The following OPCML variants were observed in gnomAD, a reference collection of about 807,000 sequenced individuals.
OPCML encodes the protein opioid binding protein/cell adhesion molecule like.
In OPCML, 13 loss-of-function variants were observed where a neutral mutation model predicts 37.8. That is an observed-to-expected ratio of 0.34 (90% CI 0.22 to 0.55). OPCML has a LOEUF of 0.55. Among genes scored for constraint, OPCML ranks in the 20% least tolerant of loss-of-function variants. The pLI, the probability that OPCML is intolerant of heterozygous loss-of-function variation, is 0.91. For missense variants in OPCML, 341 were observed against 435.6 expected (o/e 0.78, Z 1.93); for synonymous variants, 176 against 168.8 (o/e 1.04, Z -0.33).
intron 4 of OPCML, among the ~76,000 whole-genome samples, chr11:132,440,407 A>G (rs946358344): frequency 6.6e-5 from 10 of 152,044 alleles, no homozygotes; most frequent in African/African-American, 2.4e-4. Flanking sequence ...CGTTTCTGAC[A>G]CATGCCCAGG....
At chr11:133,143,203 G>A (rs886867742) in intron 1 of OPCML, among the ~76,000 whole-genome samples, 6 of 152,154 alleles carry the variant, frequency 3.9e-5, no homozygotes, top group Non-Finnish European at 7.4e-5. Flanking sequence ...AGCCTACAGC[G>A]ACTGAAGAGA....
chr11:133,282,561 G>A (rs1461204776), intron 1 of OPCML, among the ~76,000 whole-genome samples: 1 of 152,228 alleles, frequency 6.6e-6, no homozygotes, highest in Admixed American at 6.5e-5. Context: ...GCAGTGCAGA[G>A]GGAGGGGAAA....
At chr11:132,504,540 C>T (rs1445559254) in intron 4 of OPCML, among the ~76,000 whole-genome samples, 1 of 151,334 alleles carries the variant, frequency 6.6e-6, no homozygotes, top group African/African-American at 2.5e-5. Flanking sequence ...TGAATGTTGA[C>T]CCAGGCTGGA....
At chr11:133,120,075 AC>A (rs1308614208) in intron 1 of OPCML, among the ~76,000 whole-genome samples, 1 of 152,174 alleles carries the variant, frequency 6.6e-6, no homozygotes, top group East Asian at 1.9e-4. Flanking sequence ...GTCCTGCTTC[AC>A]CACTACCCAT....
At chr11:132,667,461 G>A (rs1942272505) in intron 2 of OPCML, among the ~76,000 whole-genome samples, 1 of 152,158 alleles carries the variant, frequency 6.6e-6, no homozygotes, top group Admixed American at 6.5e-5. Context: ...TTCTTACATT[G>A]CAGTATGTAA....
chr11:133,416,513 G>A (rs893214849), intron 1 of OPCML, among the ~76,000 whole-genome samples: 4 of 152,188 alleles, frequency 2.6e-5, no homozygotes, highest in Non-Finnish European at 5.9e-5. Context: ...CAGTGTGCCA[G>A]GTGCCTGATA....
At chr11:132,491,137 A>G (rs2096214446) in intron 4 of OPCML, among the ~76,000 whole-genome samples, 1 of 152,132 alleles carries the variant, frequency 6.6e-6, no homozygotes, top group African/African-American at 2.4e-5. Flanking sequence ...TCTCTCCCCA[A>G]GAATGACCTC....
chr11:133,229,059 T>C (rs1458658062), intron 1 of OPCML, among the ~76,000 whole-genome samples: 1 of 152,192 alleles, frequency 6.6e-6, no homozygotes, highest in Non-Finnish European at 1.5e-5. Context: ...CATATTCATC[T>C]TGGAGCAGGC....
At chr11:133,476,805 C>G (rs1269957854) in intron 1 of OPCML, among the ~76,000 whole-genome samples, 2 of 152,212 alleles carry the variant, frequency 1.3e-5, no homozygotes, top group African/African-American at 4.8e-5. Flanking sequence ...CACACCCCCG[C>G]TGGCTCTCCT....
At chr11:132,767,062 T>C (rs1946468771) in intron 2 of OPCML, among the ~76,000 whole-genome samples, 1 of 152,190 alleles carries the variant, frequency 6.6e-6, no homozygotes, top group Non-Finnish European at 1.5e-5. Flanking sequence ...TCTCCATTCC[T>C]AGAAATGATG....
chr11:132,587,409 C>A (rs1400079226), intron 3 of OPCML, among the ~76,000 whole-genome samples: 2 of 152,154 alleles, frequency 1.3e-5, no homozygotes, highest in African/African-American at 2.4e-5. Context: ...AGCCCAACAG[C>A]AAAACATCAG....
chr11:133,258,056 G>A (rs1306670959), intron 1 of OPCML, among the ~76,000 whole-genome samples: 1 of 152,150 alleles, frequency 6.6e-6, no homozygotes, highest in Admixed American at 6.5e-5. Flanking sequence ...CTCAGCATGG[G>A]CCCATAGCCC....
chr11:132,680,004 T>C (rs1350973380), intron 2 of OPCML, among the ~76,000 whole-genome samples: 1 of 152,200 alleles, frequency 6.6e-6, no homozygotes, highest in Non-Finnish European at 1.5e-5. Context: ...CAATTTATTC[T>C]TCAATTTTTT....
At chr11:133,204,637 C>T (rs1938952648) in intron 1 of OPCML, among the ~76,000 whole-genome samples, 1 of 152,040 alleles carries the variant, frequency 6.6e-6, no homozygotes, top group South Asian at 2.1e-4. Context: ...CAATTAGTTT[C>T]ATGATCCTTC....
chr11:132,577,162 A>G (rs2096452922), intron 3 of OPCML, among the ~76,000 whole-genome samples: 1 of 152,030 alleles, frequency 6.6e-6, no homozygotes. Flanking sequence ...TAACTTCTAG[A>G]TTTCTCACAA....
At chr11:132,775,696 T>C (rs569623695) in intron 2 of OPCML, among the ~76,000 whole-genome samples, 1 of 152,300 alleles carries the variant, frequency 6.6e-6, no homozygotes, top group African/African-American at 2.4e-5. Context: ...GTACCTCGGG[T>C]GCCTGGCCCT....
At chr11:132,887,431 A>C (rs143031276) in intron 2 of OPCML, among the ~76,000 whole-genome samples, 16 of 152,350 alleles carry the variant, frequency 1.1e-4, no homozygotes, top group Admixed American at 2.0e-4. Context: ...AAGGAGGAAC[A>C]AGAAATAAAA....
At chr11:133,196,322 C>T (rs563025609) in intron 1 of OPCML, among the ~76,000 whole-genome samples, 1 of 152,354 alleles carries the variant, frequency 6.6e-6, no homozygotes, top group African/African-American at 2.4e-5. Context: ...TCCATTCAAG[C>T]AGCTGTTCAG....
At chr11:132,727,782 T>C (rs1332035989) in intron 2 of OPCML, among the ~76,000 whole-genome samples, 2 of 152,192 alleles carry the variant, frequency 1.3e-5, no homozygotes, top group African/African-American at 4.8e-5. Context: ...TATGAAATTA[T>C]CTCCTGAGGA....
Sources: allele counts gnomAD v4.1 joint callset (sites outside exome capture counted in the v4.1 genomes callset), GRCh38; gene constraint gnomAD v4.1.1; transcripts MANE v1.5; gene names NCBI Gene and HGNC (gene_info 2026-07-23, HGNC 2026-07-21).